Variants in XKR6 observed in about 807,000 individuals in gnomAD.
XKR6 encodes the protein XK-related protein 6.
Under a neutral mutation model 56.7 loss-of-function variants are expected in XKR6, and 22 were observed. The ratio of observed to expected loss-of-function variants is 0.39; its 90% CI spans 0.28 to 0.55. XKR6 has a LOEUF of 0.55. Among genes scored for constraint, XKR6 ranks in the 20% least tolerant of loss-of-function variants. The pLI is 0.66. For synonymous variants in XKR6, 524 were observed against 387.8 expected, an observed-to-expected ratio of 1.35 and a Z score of -4.13; for missense variants, 852 against 889.0, an observed-to-expected ratio of 0.96 and a Z score of 0.53.
chr8:11,078,379 T>G (rs1370803916), intron 1 of XKR6, among the ~76,000 whole-genome samples: 1 of 152,180 alleles, frequency 6.6e-6, no homozygotes, highest in Non-Finnish European at 1.5e-5. Context: ...CAAATATTCA[T>G]GCTGGCACAC....
At chr8:11,193,743 C>T (rs113803253) in intron 1 of XKR6, among the ~76,000 whole-genome samples, 1 of 134,232 alleles carries the variant, frequency 7.4e-6, no homozygotes, top group Non-Finnish European at 1.6e-5. Flanking sequence ...TTCTGACCCC[C>T]CCCCCCCCAC....
chr8:11,130,938 A>T (rs1800073412), intron 1 of XKR6, among the ~76,000 whole-genome samples: 1 of 152,078 alleles, frequency 6.6e-6, no homozygotes, highest in Non-Finnish European at 1.5e-5. Context: ...TTATAGTCAA[A>T]CTACCTAATT....
Position 11,131,926 on chromosome 8 carries a change from G to A in XKR6, c.764+68650C>T, listed in dbSNP as rs145750642. ...TTGTGTATGTCAGTCCATGATGTTG[G>A]CACAAGACTGCCTATGCATTTCTCA... On this transcript the variant is annotated intron_variant, in intron 1 of 2. Transcript: ENST00000416569. 1.9e-3 allele frequency among the ~76,000 whole-genome samples: 293 copies of A among 152,236 alleles called. 2 individuals are homozygous for A. The highest frequency in any genetic ancestry group is 6.7e-3 in the African/African-American group (279 of 41,506).
At chr8:11,152,414 G>T (rs1484343658) in intron 1 of XKR6, among the ~76,000 whole-genome samples, 1 of 152,188 alleles carries the variant, frequency 6.6e-6, no homozygotes, top group African/African-American at 2.4e-5. Context: ...TACTGAGTGG[G>T]ATTTTTAAAA....
At chr8:10,975,131 T>G (rs533177051) in intron 1 of XKR6, among the ~76,000 whole-genome samples, 1 of 152,262 alleles carries the variant, frequency 6.6e-6, no homozygotes, top group South Asian at 2.1e-4. Flanking sequence ...ATGCTCCCAG[T>G]ACTTGCAGGA....
At chr8:11,097,088 G>A (rs1052077059) in intron 1 of XKR6, among the ~76,000 whole-genome samples, 3 of 152,176 alleles carry the variant, frequency 2.0e-5, no homozygotes, top group African/African-American at 4.8e-5. Context: ...GATTTCCTCA[G>A]AGATAGTCAA....
chr8:10,965,583 C>G (rs888975307), intron 1 of XKR6, among the ~76,000 whole-genome samples: 1 of 152,202 alleles, frequency 6.6e-6, no homozygotes, highest in Non-Finnish European at 1.5e-5. Flanking sequence ...GGACGGGCTC[C>G]CGATTCCCCT....
In XKR6 at chr8:11,184,593, G is replaced by A. The variant is rs1410213650; in HGVS notation, c.764+15983C>T. ...TTAAATATTTTATGGTTTTCTATAA[G>A]AACTTACAAAACATACTGACCTGTT... is the stretch of plus-strand genomic sequence containing the variant. On this transcript the variant is annotated intron_variant, in intron 1 of 2. Coordinates refer to ENST00000416569, the MANE Select transcript of XKR6 (RefSeq NM_173683.4). Among the ~76,000 whole-genome samples the A allele has an allele frequency of 2.0e-5, 3 of 152,194 alleles. No homozygotes were observed. The East Asian group carries it at 5.8e-4, about 29-fold the overall frequency.
At chr8:10,946,577 C>A (rs534433185) in intron 1 of XKR6, among the ~76,000 whole-genome samples, 1 of 152,194 alleles carries the variant, frequency 6.6e-6, no homozygotes, top group Admixed American at 6.5e-5. Context: ...ACGGGCTATG[C>A]TGTCCCACAA....
At chr8:11,116,461 C>G (rs1020342432) in intron 1 of XKR6, among the ~76,000 whole-genome samples, 5 of 152,158 alleles carry the variant, frequency 3.3e-5, no homozygotes, top group African/African-American at 1.2e-4. Context: ...ACCTCCACCT[C>G]CTGGGTTCAA....
intron 1 of XKR6, among the ~76,000 whole-genome samples, chr8:10,988,603 G>A (rs946908949): frequency 6.6e-6 from 1 of 152,148 alleles, no homozygotes; most frequent in Admixed American, 6.5e-5. Context: ...TGAGGACCAG[G>A]ACTGAGTCCA....
intron 1 of XKR6, among the ~76,000 whole-genome samples, chr8:10,967,233 G>T (rs773868256): frequency 6.6e-6 from 1 of 152,130 alleles, no homozygotes; most frequent in Non-Finnish European, 1.5e-5. Flanking sequence ...TTGTGAAAGC[G>T]GTTCACTATG....
At chr8:10,984,934 T>C (rs985619531) in intron 1 of XKR6, among the ~76,000 whole-genome samples, 1 of 151,540 alleles carries the variant, frequency 6.6e-6, no homozygotes, top group Admixed American at 6.6e-5. Flanking sequence ...TTGTGGGTTT[T>C]TGTTGTGGTT....
At chr8:10,917,576 A>T (rs752434767) in intron 2 of XKR6, among the ~76,000 whole-genome samples, 1 of 152,186 alleles carries the variant, frequency 6.6e-6, no homozygotes, top group African/African-American at 2.4e-5. Flanking sequence ...GCCCCAGCAC[A>T]AGTCTGATCC....
chr8:11,178,590 T>TACAC (rs575943399), intron 1 of XKR6, among the ~76,000 whole-genome samples: 1 of 122,678 alleles, frequency 8.2e-6, no homozygotes, highest in Middle Eastern at 4.0e-3. Context: ...ATATATGTAC[T>TACAC]ACACACACAC....
At chr8:11,005,830 TTTTC>T (rs1586422072) in intron 1 of XKR6, among the ~76,000 whole-genome samples, 16 of 149,386 alleles carry the variant, frequency 1.1e-4, no homozygotes, top group African/African-American at 2.7e-4. Context: ...TAAAAATATT[TTTTC>T]TTTCTTTCTT....
chr8:11,153,949 T>C (rs1235240017), intron 1 of XKR6, among the ~76,000 whole-genome samples: 2 of 152,196 alleles, frequency 1.3e-5, no homozygotes, highest in African/African-American at 4.8e-5. Context: ...TCCTAATTGG[T>C]CTCTCCGTTT....
At chr8:11,143,666 G>T (rs545964085) in intron 1 of XKR6, among the ~76,000 whole-genome samples, 1 of 152,304 alleles carries the variant, frequency 6.6e-6, no homozygotes, top group East Asian at 1.9e-4. Flanking sequence ...CAGAAGAGTG[G>T]TTACTTTGGA....
chr8:10,929,361 C>G (rs1272533340), intron 1 of XKR6, among the ~76,000 whole-genome samples: 1 of 152,244 alleles, frequency 6.6e-6, no homozygotes, highest in African/African-American at 2.4e-5. Flanking sequence ...ATTCATTTTA[C>G]AGACAGCAAA....
Sources: gnomAD v4.1 joint callset for allele counts (sites outside exome capture counted in the v4.1 genomes callset) on GRCh38, gnomAD v4.1.1 for gene constraint, MANE v1.5 for transcripts, NCBI Gene and HGNC (gene_info 2026-07-23, HGNC 2026-07-21) for gene names.